SCNN1B: variants seen among roughly 807,000 people sequenced by gnomAD.
SCNN1B encodes epithelial sodium channel subunit beta.
SCNN1B carries 46 observed loss-of-function variants against 65.3 expected under a neutral mutation model. The ratio of observed to expected loss-of-function variants is 0.70; its 90% CI spans 0.56 to 0.90. SCNN1B has a LOEUF of 0.90. Among genes scored for constraint, SCNN1B ranks in the 40% least tolerant of loss-of-function variants. SCNN1B has a pLI of 0.00. For synonymous variants in SCNN1B, 349 were observed against 330.6 expected (o/e 1.06, Z -0.60); for missense variants, 751 against 830.5 (o/e 0.90, Z 1.18).
At chr16:23,378,483 C>T (rs576523155) in intron 10 of SCNN1B, among the ~76,000 whole-genome samples, 2 of 152,216 alleles carry the variant, frequency 1.3e-5, no homozygotes, top group African/African-American at 4.8e-5. Context: ...GGCAGGGTGG[C>T]CAGGCCCGCC....
intron 7 of SCNN1B, among the ~76,000 whole-genome samples, chr16:23,375,005 T>C (rs980221855): frequency 2.6e-5 from 4 of 152,054 alleles, no homozygotes; most frequent in Non-Finnish European, 4.4e-5. Context: ...GTTTCACCTA[T>C]GAGTAAACCA....
At chr16:23,336,343 C>T (rs1252655257) in intron 1 of SCNN1B, among the ~76,000 whole-genome samples, 1 of 151,482 alleles carries the variant, frequency 6.6e-6, no homozygotes, top group Admixed American at 6.6e-5. Flanking sequence ...ATTAACAGGG[C>T]ATTTCCCAAA....
At chr16:23,317,878 T>C (rs1961506196) in intron 1 of SCNN1B, among the ~76,000 whole-genome samples, 1 of 152,220 alleles carries the variant, frequency 6.6e-6, no homozygotes, top group Admixed American at 6.5e-5. Context: ...TCACACAGAC[T>C]ACACACATGA....
intron 1 of SCNN1B, among the ~76,000 whole-genome samples, chr16:23,325,172 A>G (rs528729625): frequency 5.3e-5 from 8 of 152,342 alleles, no homozygotes; most frequent in African/African-American, 9.6e-5. Context: ...TCCAGAAATT[A>G]TGAAAAGAGT....
At chr16:23,289,342 G>A (rs1213553251) in intron 2 of SCNN1B, among the ~76,000 whole-genome samples, 6 of 152,130 alleles carry the variant, frequency 3.9e-5, no homozygotes, top group Non-Finnish European at 7.4e-5. Context: ...ATTGCATGAG[G>A]CCAGAAGCCT....
chr16:23,292,199 T>A (rs1415351197), intron 2 of SCNN1B, among the ~76,000 whole-genome samples: 4 of 148,822 alleles, frequency 2.7e-5, no homozygotes, highest in East Asian at 2.0e-4. Context: ...TTTCTTTATT[T>A]TTTTTTTTTT....
rs1307224219 is a variant in SCNN1B at position 23,371,479 on chromosome 16, A to G, written c.1044+17A>G. The G allele has an allele frequency of 4.3e-6, 7 of 1,612,586 alleles. No homozygotes were observed. Among genetic ancestry groups the G allele is most frequent in the African/African-American group, 2.7e-5 (2 of 74,890 alleles). ...GTACTCGTGGTATGGCCGGAGCCCA[A>G]GGGCAGTCCTAGAGGGTCTGAGGGT... On this transcript the variant is annotated intron_variant, in intron 6 of 12. Transcript: ENST00000343070.
chr16:23,372,206 ATGC>A (rs923908065), intron 7 of SCNN1B: 46 of 434,530 alleles, frequency 1.1e-4, no homozygotes, highest in African/African-American at 9.0e-4. Context: ...TGTGTGTGAA[ATGC>A]TGTGCGAAGG....
At chr16:23,365,603 A>G (rs879753422) in intron 4 of SCNN1B, among the ~76,000 whole-genome samples, 1,214 of 93,684 alleles carry the variant, frequency 0.013, 10 homozygotes, top group Middle Eastern at 0.02. Context: ...GAAAGAAAGA[A>G]AGAAAGAAAG....
At chr16:23,331,817 G>T (rs778660133) in intron 1 of SCNN1B, among the ~76,000 whole-genome samples, 1 of 152,138 alleles carries the variant, frequency 6.6e-6, no homozygotes, top group Non-Finnish European at 1.5e-5. Flanking sequence ...TCTGAGTTCT[G>T]TCTCAACAGG....
intron 2 of SCNN1B, among the ~76,000 whole-genome samples, chr16:23,288,145 C>G (rs990041909): frequency 1.3e-5 from 2 of 151,888 alleles, no homozygotes; most frequent in Non-Finnish European, 2.9e-5. Flanking sequence ...AAAGTGAGAC[C>G]CTGTCTAGAC....
chr16:23,325,649 C>T lies in SCNN1B; in HGVS notation c.-8-22943C>T, dbSNP rs114978497. ...AAATATCAGAATGCAAGTTGAAATG[C>T]GCATCCGATCTTAACTTCTTATACA... On this transcript the variant is annotated intron_variant, in intron 1 of 12. Transcript: ENST00000343070. Among the ~76,000 whole-genome samples, 1,023 of 151,974 alleles carry T rather than the reference C, an allele frequency of 6.7e-3. 5 individuals are homozygous for T. Among genetic ancestry groups the T allele is most frequent in the South Asian group, 0.018 (85 of 4,812 alleles).
intron 1 of SCNN1B, among the ~76,000 whole-genome samples, chr16:23,339,100 A>G (rs1302135510): frequency 6.6e-6 from 1 of 152,216 alleles, no homozygotes; most frequent in Non-Finnish European, 1.5e-5. Flanking sequence ...CATATTTTCT[A>G]GGGGTTCATA....
In SCNN1B at chr16:23,378,769, T is replaced by C. The variant is rs768001155; in HGVS notation, c.1466+2T>C. 1.2e-6 allele frequency: 2 copies of C among 1,613,902 alleles called. No individual in the cohort carries two copies. The highest frequency in any genetic ancestry group is 1.7e-6 in the Non-Finnish European group (2 of 1,179,886). On this transcript the variant is annotated splice_donor_variant, in intron 11 of 12. Coordinates refer to ENST00000343070, the MANE Select transcript of SCNN1B (RefSeq NM_000336.3). LOFTEE classifies it high-confidence loss of function. The stretch of plus-strand genomic sequence containing the variant: ...AAGCACCAATATCACCCTGAGCAGG[T>C]GAGCCTGAGCCTGGGCGGGGCTGGG...
At chr16:23,298,576 G>A (rs776885324), upstream of SCNN1B, among the ~76,000 whole-genome samples, 1 of 152,170 alleles carries the variant, frequency 6.6e-6, no homozygotes, top group African/African-American at 2.4e-5. Context: ...TGCCTCTTCC[G>A]TGTTTGGCCA....
intron 2 of SCNN1B, among the ~76,000 whole-genome samples, chr16:23,290,292 T>G (rs1331353106): frequency 6.6e-6 from 1 of 152,102 alleles, no homozygotes; most frequent in Non-Finnish European, 1.5e-5. Context: ...TTAGCAACAC[T>G]TATGTGATCA....
intron 2 of SCNN1B, among the ~76,000 whole-genome samples, chr16:23,286,055 AAG>A (rs1326119220): frequency 2.6e-5 from 4 of 152,214 alleles, no homozygotes; most frequent in Non-Finnish European, 5.9e-5. Flanking sequence ...TTAAAAGAGA[AAG>A]AGAAAACAGA....
rs536187488 is a variant in SCNN1B at position 23,380,730 on chromosome 16, C to T, written c.1852C>T (p.Pro618Ser). Residue 618 changes from proline (P) to serine (S), a missense_variant, in exon 13 of 13, where the codon CCC (proline) becomes TCC (serine). Coordinates refer to ENST00000343070, the MANE Select transcript of SCNN1B (RefSeq NM_000336.3). The surrounding 1 kb of genome is among the most constrained non-coding windows in gnomAD (Gnocchi z 5.4). The part of the protein sequence containing the change: ...QALPIPGTPP[P>S]NYDSLRLQPL... ...CCTGCCCATCCCAGGCACCCCGCCC[C>T]CCAACTATGACTCCCTGCGTCTGCA... is the stretch of plus-strand genomic sequence containing the variant. 1 of 1,612,638 alleles carries T rather than the reference C, an allele frequency of 6.2e-7. No individual in the cohort carries two copies. The highest frequency in any genetic ancestry group is 1.3e-5 in the African/African-American group (1 of 75,042).
intron 4 of SCNN1B, among the ~76,000 whole-genome samples, chr16:23,361,603 A>C (rs2142029551): frequency 6.6e-6 from 1 of 152,228 alleles, no homozygotes; most frequent in East Asian, 1.9e-4. Flanking sequence ...ATTCCTTGTT[A>C]TCTATTCTCT....
Sources: allele counts gnomAD v4.1 joint callset (sites outside exome capture counted in the v4.1 genomes callset), GRCh38; gene constraint gnomAD v4.1.1; non-coding constraint Gnocchi (gnomAD v3.1); transcripts MANE v1.5; gene names NCBI Gene and HGNC (gene_info 2026-07-23, HGNC 2026-07-21).